VPS54: variants seen among roughly 807,000 people sequenced by gnomAD.
VPS54 encodes the protein VPS54 subunit of GARP complex.
Under a neutral mutation model 121.5 loss-of-function variants are expected in VPS54, and 45 were observed. The observed-to-expected ratio is 0.37, with a 90% confidence interval of 0.29 to 0.47. The LOEUF is 0.47. Among genes scored for constraint, VPS54 ranks in the 20% least tolerant of loss-of-function variants. The probability of loss-of-function intolerance (pLI) is 0.99; values close to 1 mark genes in which losing one functional copy is unlikely to be tolerated. For synonymous variants in VPS54, 371 were observed against 385.8 expected (o/e 0.96, Z 0.45); for missense variants, 1,090 against 1,131.4 (o/e 0.96, Z 0.52).
At chr2:64,013,873 G>T (rs1678562753) in intron 1 of VPS54, among the ~76,000 whole-genome samples, 1 of 151,584 alleles carries the variant, frequency 6.6e-6, no homozygotes, top group African/African-American at 2.4e-5. Context: ...ATATGATTCT[G>T]AAAGAAAGGT....
In VPS54 at chr2:63,949,127, C is replaced by T. The variant is rs751212857; in HGVS notation, c.1047G>A (p.Leu349=). The T allele has an allele frequency of 6.2e-6, 10 of 1,611,018 alleles. No individual in the cohort carries two copies. Among genetic ancestry groups the T allele is most frequent in the South Asian group, 2.2e-5 (2 of 90,652 alleles). ...LGSQLCELEK[L]IDKMMIAEFS... ...ATTCTGCAATCATCATTTTATCTAT[C>T]AGTTTTTCTAATTCACAAAGCTGTG... Residue 349 remains leucine, a synonymous_variant, in exon 8 of 23, where the codon CTG becomes CTA. Transcript: ENST00000272322.
At position 63,900,587 on chromosome 2, in the gene VPS54, C is replaced by G. The variant is rs894547009; in HGVS notation, c.2626-1006G>C. On this transcript the variant is annotated intron_variant, in intron 20 of 22. Coordinates refer to ENST00000272322, the MANE Select transcript of VPS54 (RefSeq NM_016516.3). The stretch of plus-strand genomic sequence containing the variant: ...AACTGTCTAAAAGCTGGTTGGTGTT[C>G]CAAAAAGTGGACAAGGAACGCTATA... Among the ~76,000 whole-genome samples the G allele has an allele frequency of 3.3e-5, 5 of 151,914 alleles. No individual in the cohort carries two copies. In the East Asian group the frequency reaches 9.6e-4, roughly 29 times the overall value.
intron 1 of VPS54, among the ~76,000 whole-genome samples, chr2:64,017,850 G>A (rs961785213): frequency 2.6e-5 from 4 of 152,164 alleles, no homozygotes; most frequent in African/African-American, 7.2e-5. Flanking sequence ...CCTATCATAA[G>A]CAATGATGAG....
chr2:63,947,591 C>A, intron 8 of VPS54, 101 bp from the exon 9 acceptor site: 1 of 1,008,208 alleles, frequency 9.9e-7, no homozygotes. Flanking sequence ...ATCCTCAGAT[C>A]TCTATCCTGC....
intron 1 of VPS54, among the ~76,000 whole-genome samples, chr2:63,995,556 C>T (rs1281865578): frequency 1.3e-5 from 2 of 152,222 alleles, no homozygotes; most frequent in Admixed American, 6.5e-5. Flanking sequence ...AATGGCGTTA[C>T]ATCAGTCTAT....
intron 1 of VPS54, among the ~76,000 whole-genome samples, chr2:64,001,239 A>C (rs1461907912): frequency 6.6e-6 from 1 of 152,158 alleles, no homozygotes; most frequent in Non-Finnish European, 1.5e-5. Flanking sequence ...CTTGTGGTGA[A>C]GGCTGCCAGG....
rs1674525994 is a variant in VPS54 at position 63,937,951 on chromosome 2, G to A, written c.1399-3938C>T. ...CACTTATATGAAATACCTAATAATC[G>A]GTGCACAGCATGAGTGCTCTATGAG... On this transcript the variant is annotated intron_variant, in intron 11 of 22. Coordinates refer to ENST00000272322, the MANE Select transcript of VPS54 (RefSeq NM_016516.3). Among the ~76,000 whole-genome samples the A allele has an allele frequency of 2.0e-5, 3 of 151,932 alleles. No homozygotes were observed. The South Asian group carries it at 6.2e-4, about 32-fold the overall frequency.
intron 21 of VPS54, among the ~76,000 whole-genome samples, chr2:63,899,191 T>C (rs1192562960): frequency 6.6e-6 from 1 of 152,222 alleles, no homozygotes. Context: ...TAATAAATGA[T>C]GTAAGCAGAA....
chr2:63,940,651 A>G (rs947758889), intron 11 of VPS54, among the ~76,000 whole-genome samples: 5 of 152,234 alleles, frequency 3.3e-5, no homozygotes, highest in Non-Finnish European at 5.9e-5. Flanking sequence ...TGAAAAAAAT[A>G]GCTTTGGTAT....
Position 63,949,230 on chromosome 2 carries a change from G to A in VPS54, c.1011-67C>T, listed in dbSNP as rs1675128330. The A allele has an allele frequency of 1.1e-5, 16 of 1,511,162 alleles. No homozygotes were observed. The South Asian group carries it at 1.9e-4, about 18-fold the overall frequency. The allele number at this position is 1,511,162 out of a possible 1,614,324, so 93.6% of individuals were successfully genotyped here. On this transcript the variant is annotated intron_variant, in intron 7 of 22. Transcript: ENST00000272322. ...AACTACAAATTCGCTCCACAATCAA[G>A]GGAACTAGTAGGTAAAACTTTTTCA...
chr2:63,913,312 T>A lies in VPS54; in HGVS notation c.2335-2A>T. ...CTGGCAACTTCTTGAATTGAAGTAC[T>A]AACAAAAGAAGGAGAAAAAAACCCC... On this transcript the variant is annotated splice_acceptor_variant, in intron 17 of 22. Coordinates refer to ENST00000272322, the MANE Select transcript of VPS54 (RefSeq NM_016516.3). LOFTEE classifies it high-confidence loss of function. 6.2e-7 allele frequency: 1 copy of A among 1,607,134 alleles called. No individual in the cohort carries two copies. The highest frequency in any genetic ancestry group is 8.5e-7 in the Non-Finnish European group (1 of 1,177,346).
intron 7 of VPS54, among the ~76,000 whole-genome samples, chr2:63,957,947 C>G (rs920497659): frequency 1.3e-5 from 2 of 151,838 alleles, no homozygotes; most frequent in Non-Finnish European, 2.9e-5. Flanking sequence ...AAAAGCTCTT[C>G]TGGAGATTTT....
At position 63,962,073 on chromosome 2, in the gene VPS54, C is replaced by T. The variant is rs781717342; in HGVS notation, c.995G>A (p.Gly332Asp). ...ATGAACATACCGGAAACTGTGAATG[C>T]CCTGAAGTTCCTGCTGTAGAACCTC... ...TQEVLQQELQ[G>D]IHSFRHLGSQ... The change falls in exon 7 of 23, where the codon GGC (glycine) becomes GAC (aspartate). Residue 332 changes from glycine (G) to aspartate (D), a missense_variant. By Grantham distance (94) the Gly-to-Asp change is moderately conservative. Around this residue, in one of 2 missense-constraint regions of VPS54, gnomAD observed 801 missense variants for 757.0 expected, o/e 1.06. Coordinates refer to ENST00000272322, the MANE Select transcript of VPS54 (RefSeq NM_016516.3). The T allele has an allele frequency of 1.9e-6, 3 of 1,573,866 alleles. No individual in the cohort carries two copies. Among genetic ancestry groups the T allele is most frequent in the Non-Finnish European group, 1.7e-6 (2 of 1,153,110 alleles).
chr2:63,977,835 T>C (rs921373589), intron 3 of VPS54, among the ~76,000 whole-genome samples: 3 of 152,204 alleles, frequency 2.0e-5, no homozygotes, highest in African/African-American at 7.2e-5. Context: ...GTATGAAGTT[T>C]TGTTTATCTG....
chr2:63,932,952 G>T (rs777832947), intron 12 of VPS54, among the ~76,000 whole-genome samples: 1 of 152,002 alleles, frequency 6.6e-6, no homozygotes, highest in Non-Finnish European at 1.5e-5. Flanking sequence ...ATATACACCA[G>T]GTATCCAGGG....
intron 6 of VPS54, among the ~76,000 whole-genome samples, chr2:63,962,793 A>T (rs1281749999): frequency 6.6e-6 from 1 of 152,126 alleles, no homozygotes; most frequent in African/African-American, 2.4e-5. Flanking sequence ...AAAGAGAATG[A>T]TCTCCTTAGC....
intron 12 of VPS54, among the ~76,000 whole-genome samples, chr2:63,933,457 T>C (rs1189095602): frequency 6.6e-6 from 1 of 152,210 alleles, no homozygotes; most frequent in Non-Finnish European, 1.5e-5. Flanking sequence ...TAAAGTTCTT[T>C]TGCAATCTTA....
chr2:63,988,606 A>C (rs1344995470), intron 1 of VPS54, among the ~76,000 whole-genome samples: 2 of 152,196 alleles, frequency 1.3e-5, no homozygotes, highest in Non-Finnish European at 2.9e-5. Flanking sequence ...TAAATCGTGA[A>C]GATTTCACGG....
In VPS54 at chr2:63,933,826, G is replaced by C; in HGVS notation, c.1586C>G (p.Pro529Arg). The part of the protein sequence containing the change: ...SDAFGEGELT[P>R]IAVDTTSQRN... ...TTGAGAGGTAGTGTCAACTGCTATA[G>C]GTGTTAGCTCACCCTCACCGAATGC... Residue 529 changes from proline (P) to arginine (R), a missense_variant, in exon 12 of 23, where the codon CCT (proline) becomes CGT (arginine). This residue lies in a region of VPS54 where 801 missense variants were observed against 757.0 expected (regional missense o/e 1.06). Transcript: ENST00000272322. 6.2e-7 allele frequency: 1 copy of C among 1,613,830 alleles called. No individual in the cohort carries two copies. The highest frequency in any genetic ancestry group is 1.1e-5 in the South Asian group (1 of 91,066).
Sources: allele counts gnomAD v4.1 joint callset (sites outside exome capture counted in the v4.1 genomes callset), GRCh38; gene constraint gnomAD v4.1.1; regional missense constraint gnomAD v4.1.1; transcripts MANE v1.5; gene names NCBI Gene and HGNC (gene_info 2026-07-23, HGNC 2026-07-21).